Variants in CDH18 observed in about 807,000 individuals in gnomAD.
The protein encoded by CDH18 is cadherin-18.
In CDH18, 31 loss-of-function variants were observed where a neutral mutation model predicts 67.9. The observed-to-expected ratio is 0.46, with a 90% confidence interval of 0.34 to 0.62. The LOEUF (loss-of-function observed/expected upper bound fraction) is 0.62, where lower values mean the gene tolerates loss of function less well. CDH18 is among the 20% of genes least tolerant of loss of function. The pLI is 0.01. For synonymous variants in CDH18, 362 were observed against 347.2 expected (o/e 1.04, Z -0.48); for missense variants, 890 against 975.5 (o/e 0.91, Z 1.17).
At chr5:20,436,033 C>A (rs1749141297) in intron 1 of CDH18, among the ~76,000 whole-genome samples, 1 of 151,960 alleles carries the variant, frequency 6.6e-6, no homozygotes, top group Admixed American at 6.6e-5. Flanking sequence ...TAGAACTGAG[C>A]ACACTGAGAT....
intron 1 of CDH18, among the ~76,000 whole-genome samples, chr5:20,443,105 G>A (rs1749733980): frequency 1.4e-5 from 2 of 147,538 alleles, no homozygotes; most frequent in Non-Finnish European, 3.0e-5. Flanking sequence ...AGCTACTTGG[G>A]AGGCTGAGGA....
rs78961392 is a variant in CDH18 at position 19,844,388 on chromosome 5, C to T, written c.-256-5146G>A. On this transcript the variant is annotated intron_variant, in intron 2 of 12. Transcript: ENST00000382275. Reference sequence around the variant, plus strand: ...TGATGATTTTATAAGGGGCTCTTTCCCCTTTGTTCTGCAATTCTCTCTCCT... The same window carrying T: ...TGATGATTTTATAAGGGGCTCTTTCTCCTTTGTTCTGCAATTCTCTCTCCT... Among the ~76,000 whole-genome samples, 427 of 152,184 alleles carry T rather than the reference C, an allele frequency of 2.8e-3. 3 individuals are homozygous for T. Among genetic ancestry groups the T allele is most frequent in the Non-Finnish European group, 5.3e-3 (357 of 67,988 alleles).
chr5:20,317,260 G>T (rs1439605459), intron 1 of CDH18, among the ~76,000 whole-genome samples: 2 of 151,932 alleles, frequency 1.3e-5, no homozygotes, highest in African/African-American at 4.8e-5. Flanking sequence ...ATAAGTCTTT[G>T]CTGACAGCTG....
At chr5:19,660,637 C>T (rs1484121936) in intron 5 of CDH18, among the ~76,000 whole-genome samples, 1 of 152,022 alleles carries the variant, frequency 6.6e-6, no homozygotes, top group South Asian at 2.1e-4. Context: ...TTCTGACTTC[C>T]TCAAATATGA....
intron 2 of CDH18, among the ~76,000 whole-genome samples, chr5:20,054,498 G>C (rs1418549306): frequency 1.3e-5 from 2 of 152,130 alleles, no homozygotes; most frequent in African/African-American, 4.8e-5. Flanking sequence ...TCTCTTGTGA[G>C]AAATTTCAGC....
chr5:19,748,995 C>A (rs1188492158), intron 3 of CDH18, among the ~76,000 whole-genome samples: 1 of 152,018 alleles, frequency 6.6e-6, no homozygotes, highest in African/African-American at 2.4e-5. Flanking sequence ...ATTCACACTT[C>A]ATTAGTAAAT....
chr5:20,032,899 C>T (rs545846653), intron 2 of CDH18, among the ~76,000 whole-genome samples: 6 of 152,068 alleles, frequency 3.9e-5, no homozygotes, highest in Non-Finnish European at 7.4e-5. Context: ...GTGAAAGATT[C>T]AGGGTTCACT....
At chr5:20,489,927 A>G (rs1024753338) in intron 1 of CDH18, among the ~76,000 whole-genome samples, 63 of 151,820 alleles carry the variant, frequency 4.1e-4, no homozygotes, top group Middle Eastern at 3.2e-3. Context: ...CAACTTTACT[A>G]AAATGTCTAA....
intron 2 of CDH18, among the ~76,000 whole-genome samples, chr5:19,881,774 G>A (rs942166429): frequency 2.0e-5 from 3 of 152,002 alleles, no homozygotes; most frequent in African/African-American, 7.2e-5. Flanking sequence ...CCAAAGTGCT[G>A]GGGTTACAGG....
At chr5:20,287,947 G>A (rs777417533) in intron 1 of CDH18, among the ~76,000 whole-genome samples, 4 of 151,700 alleles carry the variant, frequency 2.6e-5, no homozygotes, top group African/African-American at 4.8e-5. Context: ...TGAAGCCCTC[G>A]TAGCAGTTTT....
chr5:19,908,296 A>C (rs779825276), intron 2 of CDH18, among the ~76,000 whole-genome samples: 1 of 152,112 alleles, frequency 6.6e-6, no homozygotes, highest in African/African-American at 2.4e-5. Flanking sequence ...ATTGACAATG[A>C]CATGCTTCTT....
chr5:20,071,409 A>G (rs1743470553), intron 2 of CDH18, among the ~76,000 whole-genome samples: 1 of 152,078 alleles, frequency 6.6e-6, no homozygotes, highest in Admixed American at 6.6e-5. Context: ...TCCAAAAGTG[A>G]TTACATCTGC....
chr5:20,312,232 C>T (rs60112431), intron 1 of CDH18, among the ~76,000 whole-genome samples: 8,255 of 152,166 alleles, frequency 0.054, 707 homozygotes, highest in African/African-American at 0.18. Context: ...TTATTGTAAT[C>T]GGCCATGAAA....
chr5:20,355,155 C>T (rs945825390), intron 1 of CDH18, among the ~76,000 whole-genome samples: 10 of 152,156 alleles, frequency 6.6e-5, no homozygotes, highest in South Asian at 2.1e-4. Flanking sequence ...GTGATTCCCC[C>T]AACAAATGCC....
chr5:19,665,260 C>G (rs534085657), intron 5 of CDH18, among the ~76,000 whole-genome samples: 19 of 151,932 alleles, frequency 1.3e-4, no homozygotes, highest in African/African-American at 4.1e-4. Flanking sequence ...ATGTTAGATG[C>G]CTGTTTATTT....
chr5:20,203,581 A>AAGAGAGAGAGAGAGAGAGGGAGAG (rs1739623951), intron 2 of CDH18, among the ~76,000 whole-genome samples: 1 of 145,494 alleles, frequency 6.9e-6, no homozygotes, highest in African/African-American at 2.6e-5. Context: ...GTGGAGGGAA[A>AAGAGAGAGAGAGAGAGAGGGAGAG]AGAGAGAGAG....
At chr5:20,158,621 T>C (rs986614535) in intron 2 of CDH18, 1 of 160,934 alleles carries the variant, frequency 6.2e-6, no homozygotes, top group African/African-American at 2.4e-5. Flanking sequence ...AGTTTCATAC[T>C]AATTTTTAGA....
At chr5:20,373,011 C>T (rs542435732) in intron 1 of CDH18, among the ~76,000 whole-genome samples, 65 of 152,204 alleles carry the variant, frequency 4.3e-4, no homozygotes, top group Middle Eastern at 6.8e-3. Context: ...CAATGACAGA[C>T]ATTAATGACA....
chr5:19,732,004 C>G (rs1767661962), intron 4 of CDH18, among the ~76,000 whole-genome samples: 1 of 151,764 alleles, frequency 6.6e-6, no homozygotes, highest in African/African-American at 2.4e-5. Context: ...GTAGGATAAT[C>G]AATTGACCAT....
Sources: gnomAD v4.1 joint callset for allele counts (sites outside exome capture counted in the v4.1 genomes callset) on GRCh38, gnomAD v4.1.1 for gene constraint, MANE v1.5 for transcripts, NCBI Gene and HGNC (gene_info 2026-07-23, HGNC 2026-07-21) for gene names.